MYLK: variants seen among roughly 807,000 people sequenced by gnomAD.
MYLK encodes myosin light chain kinase, smooth muscle.
In MYLK, 106 loss-of-function variants were observed where a neutral mutation model predicts 203.4. That is an observed-to-expected ratio of 0.52 (90% CI 0.45 to 0.61). MYLK has a LOEUF of 0.61. MYLK is among the 20% of genes least tolerant of loss of function. The probability of loss-of-function intolerance (pLI) is 0.00; values close to 1 mark genes in which losing one functional copy is unlikely to be tolerated. For synonymous variants in MYLK, 867 were observed against 959.5 expected (o/e 0.90, Z 1.78); for missense variants, 2,072 against 2,442.3 (o/e 0.85, Z 3.20).
chr3:123,816,694 A>G (rs2065761203), intron 3 of MYLK, among the ~76,000 whole-genome samples: 1 of 152,236 alleles, frequency 6.6e-6, no homozygotes, highest in Non-Finnish European at 1.5e-5. Context: ...AATATGGCAC[A>G]ATGCCCCTGC....
intron 21 of MYLK, 66 bp downstream of exon 21, chr3:123,667,071 A>C: frequency 5.5e-6 from 8 of 1,466,544 alleles, no homozygotes; most frequent in Non-Finnish European, 7.7e-6. Flanking sequence ...TCAGTCTAGC[A>C]AGGTAAAGGC....
At chr3:123,677,675 A>G (rs1389478048) in intron 20 of MYLK, among the ~76,000 whole-genome samples, 1 of 151,936 alleles carries the variant, frequency 6.6e-6, no homozygotes, top group Non-Finnish European at 1.5e-5. Flanking sequence ...AAAGAACATT[A>G]TTAGAACAAT....
intron 2 of MYLK, among the ~76,000 whole-genome samples, chr3:123,847,247 A>G (rs1166099854): frequency 6.6e-6 from 1 of 152,144 alleles, no homozygotes; most frequent in East Asian, 1.9e-4. Context: ...TATATAAGGG[A>G]CTTGAGCATC....
At chr3:123,853,933 C>G (rs574173872) in intron 2 of MYLK, among the ~76,000 whole-genome samples, 3 of 152,178 alleles carry the variant, frequency 2.0e-5, no homozygotes, top group African/African-American at 7.2e-5. Flanking sequence ...GACATTAGCA[C>G]ATATAACATA....
intron 3 of MYLK, chr3:123,800,201 C>T (rs1463455555): frequency 6.6e-6 from 1 of 152,066 alleles, no homozygotes; most frequent in Non-Finnish European, 1.5e-5. Flanking sequence ...TTTACTTGTT[C>T]AGAGCTGCAG....
chr3:123,658,435 A>G (rs576217877), intron 23 of MYLK, among the ~76,000 whole-genome samples: 1 of 152,270 alleles, frequency 6.6e-6, no homozygotes, highest in South Asian at 2.1e-4. Context: ...TGCTTATCTG[A>G]GCAAAACTCT....
At chr3:123,636,618 A>G (rs1559996222) in intron 29 of MYLK, among the ~76,000 whole-genome samples, 2 of 152,104 alleles carry the variant, frequency 1.3e-5, no homozygotes, top group Admixed American at 6.5e-5. Flanking sequence ...GCCGCCCTGA[A>G]AGGGGCAGGC....
At chr3:123,715,452 C>T (rs1331410582) in intron 13 of MYLK, among the ~76,000 whole-genome samples, 1 of 152,212 alleles carries the variant, frequency 6.6e-6, no homozygotes, top group Non-Finnish European at 1.5e-5. Flanking sequence ...GCCAATTAGA[C>T]TTTCCTATCA....
At chr3:123,656,628 G>C (rs2059395718) in intron 24 of MYLK, among the ~76,000 whole-genome samples, 1 of 152,120 alleles carries the variant, frequency 6.6e-6, no homozygotes. Flanking sequence ...ATGGAAAAAT[G>C]CTCCATGCAT....
intron 1 of MYLK, among the ~76,000 whole-genome samples, chr3:123,879,855 C>T (rs1042789235): frequency 6.6e-6 from 1 of 152,148 alleles, no homozygotes; most frequent in Admixed American, 6.5e-5. Flanking sequence ...GGGGTTTCAC[C>T]GCGTTAGCCA....
At chr3:123,674,641 G>T (rs375727997) in intron 20 of MYLK, among the ~76,000 whole-genome samples, 10 of 152,366 alleles carry the variant, frequency 6.6e-5, no homozygotes, top group African/African-American at 1.9e-4. Context: ...TCCAGGTGCT[G>T]GTGCTGCTAC....
chr3:123,730,693 G>A (rs1047508835), intron 11 of MYLK, among the ~76,000 whole-genome samples: 4 of 152,186 alleles, frequency 2.6e-5, no homozygotes, highest in African/African-American at 9.7e-5. Context: ...AACATCAAAT[G>A]TTCAGAAGAG....
chr3:123,734,956 T>C (rs1305996087), intron 9 of MYLK: 1 of 272,736 alleles, frequency 3.7e-6, no homozygotes, highest in Non-Finnish European at 7.3e-6. Context: ...CAGTTGGTAA[T>C]GTGCGTTCGT....
intron 4 of MYLK, among the ~76,000 whole-genome samples, chr3:123,774,945 AAAG>A (rs1319611299): frequency 6.6e-6 from 1 of 152,184 alleles, no homozygotes. Flanking sequence ...CTGGGGATGC[AAAG>A]AAGGTTAAGG....
At chr3:123,699,655 T>C (rs986353762) in intron 18 of MYLK, among the ~76,000 whole-genome samples, 1 of 152,194 alleles carries the variant, frequency 6.6e-6, no homozygotes, top group Non-Finnish European at 1.5e-5. Context: ...GACAGAGCCC[T>C]CTCCATGCCG....
intron 4 of MYLK, among the ~76,000 whole-genome samples, chr3:123,760,669 A>G (rs1316432830): frequency 2.0e-5 from 3 of 152,172 alleles, no homozygotes; most frequent in African/African-American, 7.2e-5. Context: ...ATATCAGAAC[A>G]TATAAACTTA....
rs527506071 is a variant in MYLK, at chr3:123,629,273, G to C, written c.5114+201C>G. 6.6e-6 allele frequency among the ~76,000 whole-genome samples: 1 copy of C among 152,240 alleles called. No homozygotes were observed. The highest frequency in any genetic ancestry group is 2.4e-5 in the African/African-American group (1 of 41,542). Reference sequence around the variant, plus strand: ...GTGAATCCCATGTCTAGCTCCAGGGGGCAGGGCCTAGGAAGTCGCCTCCCC... The same window carrying C: ...GTGAATCCCATGTCTAGCTCCAGGGCGCAGGGCCTAGGAAGTCGCCTCCCC... On this transcript the variant is annotated intron_variant, in intron 30 of 33. Transcript: ENST00000360304. The surrounding 1 kb of genome is among the most constrained non-coding windows in gnomAD (Gnocchi z 4.4).
chr3:123,724,844 A>C (rs1471922620), intron 12 of MYLK, among the ~76,000 whole-genome samples: 2 of 152,234 alleles, frequency 1.3e-5, no homozygotes, highest in East Asian at 3.9e-4. Flanking sequence ...TTCTGGGTTC[A>C]AGCGATTCTC....
chr3:123,652,463 C>G (rs1340548082), intron 24 of MYLK, among the ~76,000 whole-genome samples: 2 of 152,300 alleles, frequency 1.3e-5, no homozygotes, highest in East Asian at 3.9e-4. Context: ...GGCACAAGTC[C>G]AGTCAGTCCC....
Sources: allele counts gnomAD v4.1 joint callset (sites outside exome capture counted in the v4.1 genomes callset), GRCh38; gene constraint gnomAD v4.1.1; non-coding constraint Gnocchi (gnomAD v3.1); transcripts MANE v1.5; gene names NCBI Gene and HGNC (gene_info 2026-07-23, HGNC 2026-07-21).